The following GRM3 variants were observed in gnomAD, a reference collection of about 807,000 sequenced individuals.
The protein encoded by GRM3 is glutamate metabotropic receptor 3, also known as metabotropic glutamate receptor 3.
In GRM3, 26 loss-of-function variants were observed where a neutral mutation model predicts 70.5. The observed-to-expected ratio is 0.37, with a 90% CI of 0.27 to 0.51. The LOEUF is 0.51. Ranked by LOEUF, GRM3 falls within the 20% of genes least tolerant of loss-of-function variation. The probability of loss-of-function intolerance (pLI) is 0.93; values close to 1 mark genes in which losing one functional copy is unlikely to be tolerated. For missense variants in GRM3, 859 were observed against 1,123.8 expected (o/e 0.76, Z 3.37); for synonymous variants, 443 against 434.9 (o/e 1.02, Z -0.23).
intron 4 of GRM3, among the ~76,000 whole-genome samples, chr7:86,849,356 G>A (rs916478908): frequency 2.0e-5 from 3 of 152,140 alleles, no homozygotes; most frequent in East Asian, 1.9e-4. Flanking sequence ...TTAAAATGAC[G>A]AGGATGGATT....
chr7:86,705,798 G>A (rs1405829788), intron 1 of GRM3, among the ~76,000 whole-genome samples: 3 of 152,030 alleles, frequency 2.0e-5, no homozygotes, highest in Non-Finnish European at 2.9e-5. Flanking sequence ...GGACATAAAT[G>A]TTGCCTGATC....
At chr7:86,718,255 A>G (rs918756530) in intron 1 of GRM3, among the ~76,000 whole-genome samples, 3 of 151,990 alleles carry the variant, frequency 2.0e-5, no homozygotes, top group African/African-American at 7.2e-5. Flanking sequence ...CCATGCATGA[A>G]TTCCACATCA....
At chr7:86,754,339 A>G (rs1796296656) in intron 1 of GRM3, among the ~76,000 whole-genome samples, 1 of 152,170 alleles carries the variant, frequency 6.6e-6, no homozygotes, top group East Asian at 1.9e-4. Context: ...AAATTTGATC[A>G]TCCCTAAATG....
intron 1 of GRM3, among the ~76,000 whole-genome samples, chr7:86,741,884 A>G (rs1400140396): frequency 2.0e-5 from 3 of 152,204 alleles, no homozygotes; most frequent in Admixed American, 2.0e-4. Flanking sequence ...GCCTTAAAAA[A>G]CTTTAAATAT....
intron 3 of GRM3, among the ~76,000 whole-genome samples, chr7:86,793,409 G>A (rs1201063078): frequency 4.6e-5 from 7 of 152,172 alleles, no homozygotes; most frequent in Non-Finnish European, 8.8e-5. Flanking sequence ...AGATGAATGG[G>A]CTTTGAAGTC....
intron 1 of GRM3, among the ~76,000 whole-genome samples, chr7:86,696,188 C>A (rs1025307876): frequency 6.6e-6 from 1 of 152,152 alleles, no homozygotes; most frequent in East Asian, 1.9e-4. Context: ...CCTCCAAATC[C>A]CCATAATCTG....
intron 1 of GRM3, among the ~76,000 whole-genome samples, chr7:86,750,634 A>G (rs1204796537): frequency 1.3e-5 from 2 of 152,046 alleles, no homozygotes; most frequent in Non-Finnish European, 2.9e-5. Flanking sequence ...TGCATCGTTC[A>G]AGTGACCACA....
chr7:86,835,934 T>A (rs1036105950), intron 3 of GRM3, among the ~76,000 whole-genome samples: 14 of 152,076 alleles, frequency 9.2e-5, no homozygotes, highest in Admixed American at 2.6e-4. Context: ...TTTAAAAACA[T>A]ATAAACATCC....
chr7:86,665,176 T>A (rs1488449116), intron 1 of GRM3, among the ~76,000 whole-genome samples: 1 of 151,996 alleles, frequency 6.6e-6, no homozygotes, highest in Non-Finnish European at 1.5e-5. Context: ...ATTGAATATA[T>A]TTGAGAAAGA....
At chr7:86,864,014 TA>T (rs1483395862) in intron 5 of GRM3, among the ~76,000 whole-genome samples, 7 of 150,252 alleles carry the variant, frequency 4.7e-5, no homozygotes, top group African/African-American at 1.5e-4. Flanking sequence ...AATTTAATTT[TA>T]TTTTTTTTCA....
At chr7:86,648,158 T>C (rs969426161) in intron 1 of GRM3, among the ~76,000 whole-genome samples, 2 of 152,066 alleles carry the variant, frequency 1.3e-5, no homozygotes, top group African/African-American at 2.4e-5. Flanking sequence ...GCTAAATGTT[T>C]AAGACATTTT....
At chr7:86,752,764 C>A (rs1796259420) in intron 1 of GRM3, among the ~76,000 whole-genome samples, 1 of 152,020 alleles carries the variant, frequency 6.6e-6, no homozygotes, top group African/African-American at 2.4e-5. Flanking sequence ...ACTTGGACAC[C>A]AGAATTTTAG....
chr7:86,753,318 T>G (rs1447501719), intron 1 of GRM3, among the ~76,000 whole-genome samples: 1 of 152,190 alleles, frequency 6.6e-6, no homozygotes, highest in African/African-American at 2.4e-5. Flanking sequence ...ATTGTTCTTG[T>G]CTTCATTTTA....
chr7:86,651,804 A>C (rs1004664362), intron 1 of GRM3, among the ~76,000 whole-genome samples: 1 of 152,228 alleles, frequency 6.6e-6, no homozygotes, highest in African/African-American at 2.4e-5. Context: ...CCCTTGAAAA[A>C]AATGTTTTGA....
intron 1 of GRM3, among the ~76,000 whole-genome samples, chr7:86,718,142 G>A (rs1345906913): frequency 6.6e-6 from 1 of 151,922 alleles, no homozygotes; most frequent in Non-Finnish European, 1.5e-5. Context: ...TTATAAAAAT[G>A]GAAATGTAGA....
At chr7:86,661,517 G>A (rs1311708902) in intron 1 of GRM3, among the ~76,000 whole-genome samples, 2 of 151,884 alleles carry the variant, frequency 1.3e-5, no homozygotes, top group East Asian at 3.9e-4. Context: ...TAATGATCCT[G>A]TGCTTGGGAT....
At chr7:86,749,453 G>A (rs1256512757) in intron 1 of GRM3, among the ~76,000 whole-genome samples, 7 of 152,008 alleles carry the variant, frequency 4.6e-5, no homozygotes, top group African/African-American at 9.7e-5. Context: ...TATGCTAAAC[G>A]GCAAAGTGTA....
At chr7:86,694,511 CAAA>C (rs1226119828) in intron 1 of GRM3, among the ~76,000 whole-genome samples, 9 of 37,790 alleles carry the variant, frequency 2.4e-4, no homozygotes, top group Admixed American at 7.4e-4. Flanking sequence ...GACTCTGTCT[CAAA>C]AAAAAAAAAA....
At chr7:86,699,160 T>C (rs1398192713) in intron 1 of GRM3, among the ~76,000 whole-genome samples, 3 of 152,038 alleles carry the variant, frequency 2.0e-5, no homozygotes, top group Non-Finnish European at 2.9e-5. Context: ...TTAGGGAAGA[T>C]TGAAATCCAG....
Sources: gnomAD v4.1 joint callset for allele counts (sites outside exome capture counted in the v4.1 genomes callset) on GRCh38, gnomAD v4.1.1 for gene constraint, MANE v1.5 for transcripts, NCBI Gene and HGNC (gene_info 2026-07-23, HGNC 2026-07-21) for gene names.